USP8: variants seen among roughly 807,000 people sequenced by gnomAD.
USP8 encodes the protein ubiquitin carboxyl-terminal hydrolase 8.
USP8 carries 27 observed loss-of-function variants against 130.0 expected under a neutral mutation model. The ratio of observed to expected loss-of-function variants is 0.21; its 90% CI spans 0.15 to 0.29. USP8 has a LOEUF of 0.29. Among genes scored for constraint, USP8 ranks in the 10% least tolerant of loss-of-function variants. The pLI is 1.00. For synonymous variants in USP8, 392 were observed against 444.1 expected (o/e 0.88, Z 1.48); for missense variants, 1,029 against 1,312.2 (o/e 0.78, Z 3.33).
chr15:50,426,383 C>T (rs2049725041), intron 1 of USP8, among the ~76,000 whole-genome samples: 1 of 152,160 alleles, frequency 6.6e-6, no homozygotes, highest in African/African-American at 2.4e-5. Context: ...TTACCTATTG[C>T]TGCATAACAA....
chr15:50,491,288 T>C (rs1247597560), intron 14 of USP8, among the ~76,000 whole-genome samples: 1 of 152,206 alleles, frequency 6.6e-6, no homozygotes, highest in Non-Finnish European at 1.5e-5. Context: ...TTAGGCTCTT[T>C]TAAGCCTAAT....
chr15:50,473,421 A>T (rs112902337), intron 8 of USP8, among the ~76,000 whole-genome samples: 2 of 152,192 alleles, frequency 1.3e-5, no homozygotes, highest in Non-Finnish European at 2.9e-5. Flanking sequence ...GTGACAAGAA[A>T]AAAGTCTGTA....
At position 50,509,370 on chromosome 15, in the gene USP8, G is replaced by A. The variant is rs1192153871; in HGVS notation, c.*10282G>A. On this transcript the variant is annotated 3_prime_UTR_variant, in exon 20 of 20. Coordinates refer to ENST00000307179, the MANE Select transcript of USP8 (RefSeq NM_005154.5). The stretch of plus-strand genomic sequence containing the variant: ...AGATTTAGAGAATAAGAGACAAGGC[G>A]GCCGGGCGCGGTGGCTCATGTAATC... 2 of 151,658 alleles carry A rather than the reference G, an allele frequency of 1.3e-5. No homozygotes were observed. Among genetic ancestry groups the A allele is most frequent in the Admixed American group, 6.6e-5 (1 of 15,172 alleles). 9.4% of individuals were successfully genotyped at this position (151,658 alleles called of 1,614,324 possible). A position where few individuals can be genotyped will look rare whatever the true frequency, so the allele number is the denominator to read the frequency against.
chr15:50,482,431 A>G (rs1457715801), intron 11 of USP8, among the ~76,000 whole-genome samples: 3 of 152,246 alleles, frequency 2.0e-5, no homozygotes, highest in African/African-American at 7.2e-5. Flanking sequence ...TAATATTTGT[A>G]TGATAGAATT....
chr15:50,496,349 T>C (rs1405213683), intron 17 of USP8, among the ~76,000 whole-genome samples: 2 of 151,878 alleles, frequency 1.3e-5, no homozygotes, highest in South Asian at 2.1e-4. Flanking sequence ...GGCGTGGTGG[T>C]GGGCACCTGT....
At chr15:50,473,154 A>G (rs1472727371) in intron 8 of USP8, among the ~76,000 whole-genome samples, 2 of 152,188 alleles carry the variant, frequency 1.3e-5, no homozygotes, top group African/African-American at 4.8e-5. Context: ...AACGAGTGCC[A>G]TTTTCACTGA....
At chr15:50,450,807 T>C (rs2050608149) in intron 4 of USP8, among the ~76,000 whole-genome samples, 1 of 152,168 alleles carries the variant, frequency 6.6e-6, no homozygotes, top group Admixed American at 6.6e-5. Flanking sequence ...GTTTCCCTTA[T>C]CAACAACATA....
In USP8 at chr15:50,506,568, A is replaced by G. The variant is rs777597530; in HGVS notation, c.*7480A>G. On this transcript the variant is annotated 3_prime_UTR_variant, in exon 20 of 20. Coordinates refer to ENST00000307179, the MANE Select transcript of USP8 (RefSeq NM_005154.5). ...GCCGAATTAGAAAAATAAGGCTAACATAAACACAAAAGAAGATGACGACAA... is the reference window on the plus strand; with the variant it reads ...GCCGAATTAGAAAAATAAGGCTAACGTAAACACAAAAGAAGATGACGACAA... 4.6e-5 allele frequency: 7 copies of G among 152,348 alleles called. No homozygotes were observed. Among genetic ancestry groups the G allele is most frequent in the East Asian group, 1.9e-4 (1 of 5,192 alleles). The allele number at this position is 152,348 out of a possible 1,614,324, so 9.4% of individuals were successfully genotyped here.
At chr15:50,458,270 G>C (rs2050861552) in intron 4 of USP8, among the ~76,000 whole-genome samples, 1 of 152,122 alleles carries the variant, frequency 6.6e-6, no homozygotes, top group South Asian at 2.1e-4. Flanking sequence ...TCCTGCCTCA[G>C]CTTCCCAAGT....
rs2052592570 is a variant in USP8 at position 50,501,769 on chromosome 15, G to A, written c.*2681G>A. 1 of 152,138 alleles carries A rather than the reference G, an allele frequency of 6.6e-6. No individual in the cohort carries two copies. The highest frequency in any genetic ancestry group is 2.1e-4 in the South Asian group (1 of 4,830). 9.4% of individuals were successfully genotyped at this position (152,138 alleles called of 1,614,324 possible). On this transcript the variant is annotated 3_prime_UTR_variant, in exon 20 of 20. Transcript: ENST00000307179. ...TGTATGATAAGGGTCAGCAAACCAC[G>A]GCCCGTGGGTCAACTCCAGGCTGTT...
chr15:50,454,715 A>C (rs1019171154), intron 4 of USP8, among the ~76,000 whole-genome samples: 8 of 152,078 alleles, frequency 5.3e-5, no homozygotes, highest in African/African-American at 1.9e-4. Flanking sequence ...TCGGCCTCCC[A>C]GAGTGCTGGG....
Position 50,502,932 on chromosome 15 carries a change from T to C in USP8, c.*3844T>C, listed in dbSNP as rs1232535105. On this transcript the variant is annotated 3_prime_UTR_variant, in exon 20 of 20. Transcript: ENST00000307179. The stretch of plus-strand genomic sequence containing the variant: ...CATGGCTTGTTTTGTATAGCTGTTA[T>C]CAAATATCTCATGTATTGAGGGCTA... 1 of 152,256 alleles carries C rather than the reference T, an allele frequency of 6.6e-6. No individual in the cohort carries two copies. The highest frequency in any genetic ancestry group is 6.5e-5 in the Admixed American group (1 of 15,286). The allele number at this position is 152,256 out of a possible 1,614,324, so 9.4% of individuals were successfully genotyped here.
rs34390770 is a variant in USP8 at position 50,441,001 on chromosome 15, C to CA, written c.105-334dup. Among the ~76,000 whole-genome samples the CA allele has an allele frequency of 1.2e-3, 160 of 135,486 alleles. 1 individual carries two copies. Among genetic ancestry groups the CA allele is most frequent in the African/African-American group, 2.6e-3 (99 of 37,490 alleles). The allele number at this position is 135,486 out of a possible 152,430, so 88.9% of individuals were successfully genotyped here. On this transcript the variant is annotated intron_variant, in intron 2 of 19. Transcript: ENST00000307179. ...GGGCAAGAAGAGCTAGACCCCATCTCAAAAAAAAAAAAAAGGAGTGCACAA... is the reference window on the plus strand; with the variant it reads ...GGGCAAGAAGAGCTAGACCCCATCTCAAAAAAAAAAAAAAAGGAGTGCACAA...
At chr15:50,462,976 A>G (rs2051060349) in intron 6 of USP8, among the ~76,000 whole-genome samples, 1 of 152,088 alleles carries the variant, frequency 6.6e-6, no homozygotes, top group African/African-American at 2.4e-5. Context: ...GGCCAGGCGC[A>G]GTGGCTCATT....
At chr15:50,471,497 C>A (rs1362462673) in intron 7 of USP8, 136 bp from the exon 8 acceptor site, 5 of 831,464 alleles carry the variant, frequency 6.0e-6, no homozygotes, top group East Asian at 5.5e-5. Context: ...TAATATATAA[C>A]CTCACCTTAG....
chr15:50,479,907 T>G (rs993326791), intron 10 of USP8, among the ~76,000 whole-genome samples: 1 of 152,010 alleles, frequency 6.6e-6, no homozygotes, highest in African/African-American at 2.4e-5. Flanking sequence ...TATAGGCACA[T>G]GCCACCACGC....
intron 1 of USP8, among the ~76,000 whole-genome samples, chr15:50,425,460 A>C (rs1257955203): frequency 6.6e-6 from 1 of 152,178 alleles, no homozygotes; most frequent in Non-Finnish European, 1.5e-5. Context: ...TCTGTTTAAG[A>C]TTCGTTGGTG....
In USP8 at chr15:50,462,316, G is replaced by A. The variant is rs1350788542; in HGVS notation, c.535G>A (p.Glu179Lys). 19 of 1,602,034 alleles carry A rather than the reference G, an allele frequency of 1.2e-5. No homozygotes were observed. The highest frequency in any genetic ancestry group is 1.6e-5 in the Non-Finnish European group (19 of 1,176,712). Residue 179 changes from glutamate to lysine, a missense_variant, in exon 6 of 20, where the codon GAG (glutamate) becomes AAG (lysine). By Grantham distance (56) the Glu-to-Lys change is moderately conservative. Transcript: ENST00000307179. Reference sequence around the variant, plus strand: ...AAAGAATGAAAAATGTGAGACCAAAGAGAAAGGTAAGTGTGTACAGAAGGA... The same window carrying A: ...AAAGAATGAAAAATGTGAGACCAAAAAGAAAGGTAAGTGTGTACAGAAGGA... ...GEKNEKCETK[E>K]KGAITAKELY...
At chr15:50,445,043 CCA>C (rs1383486874) in intron 3 of USP8, among the ~76,000 whole-genome samples, 8 of 151,150 alleles carry the variant, frequency 5.3e-5, no homozygotes, top group African/African-American at 1.9e-4. Flanking sequence ...CAGGTGTGAG[CCA>C]CCTTGCCCAG....
Sources: gnomAD v4.1 joint callset for allele counts (sites outside exome capture counted in the v4.1 genomes callset) on GRCh38, gnomAD v4.1.1 for gene constraint, MANE v1.5 for transcripts, NCBI Gene and HGNC (gene_info 2026-07-23, HGNC 2026-07-21) for gene names.